Variants in KCNT2 observed in about 807,000 individuals in gnomAD.
KCNT2 encodes potassium sodium-activated channel subfamily T member 2, also known as potassium channel subfamily T member 2.
A neutral mutation model predicts 153.8 loss-of-function variants in KCNT2; 67 were observed. That is an observed-to-expected ratio of 0.44 (90% CI 0.36 to 0.53). The LOEUF is 0.53. Ranked by LOEUF, KCNT2 falls within the 20% of genes least tolerant of loss-of-function variation. KCNT2 has a pLI of 0.00. For missense variants in KCNT2, 975 were observed against 1,354.8 expected, an observed-to-expected ratio of 0.72 and a Z score of 4.40; for synonymous variants, 500 against 458.8, an observed-to-expected ratio of 1.09 and a Z score of -1.15.
intron 21 of KCNT2, among the ~76,000 whole-genome samples, chr1:196,312,500 C>G (rs1275196214): frequency 6.6e-6 from 1 of 151,776 alleles, no homozygotes; most frequent in Non-Finnish European, 1.5e-5. Context: ...TTCTAGGACT[C>G]TCATGATGTC....
At chr1:196,479,059 A>C (rs1166473436) in intron 5 of KCNT2, 120 bp downstream of exon 5, 10 of 674,308 alleles carry the variant, frequency 1.5e-5, no homozygotes, top group Non-Finnish European at 2.1e-5. Flanking sequence ...AGCGGCTCAA[A>C]ACAAAGTGGC....
intron 1 of KCNT2, among the ~76,000 whole-genome samples, chr1:196,509,098 G>A (rs944116548): frequency 2.0e-5 from 3 of 151,896 alleles, no homozygotes; most frequent in African/African-American, 4.8e-5. Context: ...GTGAAACCCC[G>A]TCTCTACTAA....
At chr1:196,430,543 C>T (rs946008698) in intron 8 of KCNT2, among the ~76,000 whole-genome samples, 2 of 151,986 alleles carry the variant, frequency 1.3e-5, no homozygotes, top group Non-Finnish European at 2.9e-5. Context: ...GATTCCCAGC[C>T]TCCAAACGCA....
chr1:196,228,151 C>G lies in KCNT2; in HGVS notation c.*73G>C. ...AATTACATATATTTCCATCTAGTTT[C>G]TTTCGTGCCAGCAAAACTTTTGTGG... On this transcript the variant is annotated 3_prime_UTR_variant, in exon 28 of 28. Transcript: ENST00000294725. 1.3e-6 allele frequency: 1 copy of G among 778,804 alleles called. No individual in the cohort carries two copies. Among genetic ancestry groups the G allele is most frequent in the Non-Finnish European group, 2.2e-6 (1 of 451,868 alleles). 48.2% of individuals were successfully genotyped at this position (778,804 alleles called of 1,614,324 possible).
chr1:196,597,786 T>G (rs918761868), intron 1 of KCNT2, among the ~76,000 whole-genome samples: 1 of 152,216 alleles, frequency 6.6e-6, no homozygotes, highest in Non-Finnish European at 1.5e-5. Context: ...GTACTTTCTG[T>G]TTACTCTATG....
Position 196,274,168 on chromosome 1 carries a change from C to A in KCNT2, c.2910+6692G>T, listed in dbSNP as rs530783057. Among the ~76,000 whole-genome samples the A allele has an allele frequency of 2.8e-4, 43 of 151,494 alleles. No homozygotes were observed. In the South Asian group the frequency reaches 8.7e-3, roughly 31 times the overall value. On this transcript the variant is annotated intron_variant, in intron 25 of 27. Transcript: ENST00000294725. ...CTATGGAATCTAAACTAATTGATTT[C>A]CTTAATCAATGTATCATAGCTAAGT...
intron 1 of KCNT2, among the ~76,000 whole-genome samples, chr1:196,514,265 C>T (rs1201599866): frequency 1.3e-5 from 2 of 152,074 alleles, no homozygotes; most frequent in Non-Finnish European, 2.9e-5. Context: ...TTGCTGTTTC[C>T]TCTTGTTCTT....
Position 196,479,195 on chromosome 1 carries a change from C to G in KCNT2, c.368G>C (p.Gly123Ala), listed in dbSNP as rs1407871901. ...ATAACTTACCTTATAACTAAGATAA[C>G]CAAGTAATATTGTTTCAAACAGACT... ...LISLFETILL[G>A]YLSYKGNIWE... The change falls in exon 5 of 28, where the codon GGT becomes GCT. Residue 123 changes from glycine to alanine, a missense_variant. Physicochemically the swap from Gly to Ala is moderately conservative, Grantham distance 60. Coordinates refer to ENST00000294725, the MANE Select transcript of KCNT2 (RefSeq NM_198503.5). 6.4e-7 allele frequency: 1 copy of G among 1,570,866 alleles called. No individual in the cohort carries two copies. Among genetic ancestry groups the G allele is most frequent in the Non-Finnish European group, 8.7e-7 (1 of 1,145,014 alleles).
intron 5 of KCNT2, among the ~76,000 whole-genome samples, chr1:196,471,098 G>A (rs529373664): frequency 2.6e-4 from 39 of 150,820 alleles, no homozygotes; most frequent in Admixed American, 1.1e-3. Flanking sequence ...TACTAAAGAC[G>A]GGGTTTCACC....
At chr1:196,316,572 A>T (rs1247156866) in intron 20 of KCNT2, among the ~76,000 whole-genome samples, 5 of 151,794 alleles carry the variant, frequency 3.3e-5, no homozygotes, top group Non-Finnish European at 7.4e-5. Flanking sequence ...AACCAAGAGC[A>T]TATAAAATAT....
intron 1 of KCNT2, among the ~76,000 whole-genome samples, chr1:196,522,593 C>T (rs188571638): frequency 2.0e-3 from 312 of 152,248 alleles, no homozygotes; most frequent in Non-Finnish European, 3.5e-3. Flanking sequence ...GTGAAGCCAG[C>T]GGGACTTCCT....
intron 25 of KCNT2, among the ~76,000 whole-genome samples, chr1:196,271,291 G>T (rs1218663636): frequency 6.6e-6 from 1 of 151,928 alleles, no homozygotes; most frequent in Non-Finnish European, 1.5e-5. Flanking sequence ...AAGACCTAGG[G>T]AACTTAAATC....
chr1:196,399,877 C>G (rs1216942646), intron 12 of KCNT2, among the ~76,000 whole-genome samples: 1 of 151,802 alleles, frequency 6.6e-6, no homozygotes, highest in East Asian at 1.9e-4. Flanking sequence ...AGACAACAAT[C>G]TAGGAACCAG....
rs1166809232 is a variant in KCNT2 at position 196,347,681 on chromosome 1, G to A, written c.1404-5453C>T. On this transcript the variant is annotated intron_variant, in intron 14 of 27. Transcript: ENST00000294725. The stretch of plus-strand genomic sequence containing the variant: ...TGTCATTACAAAGCCCTGCTCACCT[G>A]TTCTATGACTGTCTTTCAGGTTTCA... 3.9e-5 allele frequency among the ~76,000 whole-genome samples: 6 copies of A among 152,212 alleles called. No homozygotes were observed. The East Asian group carries it at 9.7e-4, about 24-fold the overall frequency.
rs150647556 is a variant in KCNT2 at position 196,270,764 on chromosome 1, C to T, written c.2910+10096G>A. ...GTGTGTGTGCGTGTAAGTGTAGAACCTATACACTATAAGGTAAGCCAGTTA... is the reference window on the plus strand; with the variant it reads ...GTGTGTGTGCGTGTAAGTGTAGAACTTATACACTATAAGGTAAGCCAGTTA... On this transcript the variant is annotated intron_variant, in intron 25 of 27. Coordinates refer to ENST00000294725, the MANE Select transcript of KCNT2 (RefSeq NM_198503.5). Among the ~76,000 whole-genome samples, 668 of 151,398 alleles carry T rather than the reference C, an allele frequency of 4.4e-3. 4 individuals are homozygous for T. Among genetic ancestry groups the T allele is most frequent in the African/African-American group, 0.015 (608 of 41,272 alleles).
intron 12 of KCNT2, among the ~76,000 whole-genome samples, chr1:196,415,527 T>C (rs1472293824): frequency 2.0e-5 from 3 of 151,208 alleles, no homozygotes; most frequent in South Asian, 2.1e-4. Context: ...TATATATATA[T>C]AAATAAATGG....
At chr1:196,444,369 T>G (rs114074000) in intron 8 of KCNT2, among the ~76,000 whole-genome samples, 50 of 151,516 alleles carry the variant, frequency 3.3e-4, no homozygotes, top group African/African-American at 1.1e-3. Flanking sequence ...GAATTATGTT[T>G]CCCTTTTTCC....
At chr1:196,479,047 G>T in intron 5 of KCNT2, 132 bp downstream of exon 5, 1 of 636,360 alleles carries the variant, frequency 1.6e-6, no homozygotes, top group Non-Finnish European at 2.8e-6. Flanking sequence ...ATCAGCTACT[G>T]GAGCGGCTCA....
intron 8 of KCNT2, among the ~76,000 whole-genome samples, chr1:196,447,432 T>C (rs1176749342): frequency 6.6e-6 from 1 of 151,512 alleles, no homozygotes; most frequent in African/African-American, 2.4e-5. Context: ...CATCATAACA[T>C]CATCAAGGAA....
Sources: allele counts gnomAD v4.1 joint callset (sites outside exome capture counted in the v4.1 genomes callset), GRCh38; gene constraint gnomAD v4.1.1; transcripts MANE v1.5; gene names NCBI Gene and HGNC (gene_info 2026-07-23, HGNC 2026-07-21).